Variants in PLCB1 observed in about 807,000 individuals in gnomAD.
The protein encoded by PLCB1 is 1-phosphatidylinositol 4,5-bisphosphate phosphodiesterase beta-1.
Under a neutral mutation model 161.8 loss-of-function variants are expected in PLCB1, and 46 were observed. That is an observed-to-expected ratio of 0.28 (90% CI 0.22 to 0.36). The LOEUF (loss-of-function observed/expected upper bound fraction) is 0.36. Among genes scored for constraint, PLCB1 ranks in the 10% least tolerant of loss-of-function variants. PLCB1 has a pLI of 1.00. For missense variants in PLCB1, 1,016 were observed against 1,472.5 expected (o/e 0.69, Z 5.07); for synonymous variants, 517 against 503.7 (o/e 1.03, Z -0.35).
chr20:8,494,244 G>A (rs1983067910), intron 3 of PLCB1, among the ~76,000 whole-genome samples: 1 of 152,182 alleles, frequency 6.6e-6, no homozygotes, highest in African/African-American at 2.4e-5. Context: ...TCTGGAACAT[G>A]ACTTTCCTCC....
chr20:8,493,818 C>G (rs1983045076), intron 3 of PLCB1, among the ~76,000 whole-genome samples: 1 of 112,036 alleles, frequency 8.9e-6, no homozygotes, highest in African/African-American at 3.6e-5. Context: ...AGGTAGTAGC[C>G]CTTACCTTGG....
At chr20:8,250,471 G>A (rs1306110068) in intron 2 of PLCB1, among the ~76,000 whole-genome samples, 1 of 151,810 alleles carries the variant, frequency 6.6e-6, no homozygotes, top group African/African-American at 2.4e-5. Context: ...TTTTGCATCT[G>A]TAAGGTGGTT....
At chr20:8,676,829 G>GA (rs1346143130) in intron 9 of PLCB1, among the ~76,000 whole-genome samples, 1 of 151,930 alleles carries the variant, frequency 6.6e-6, no homozygotes, top group Admixed American at 6.5e-5. Flanking sequence ...AAAAAGCAGG[G>GA]AAAAAAGTAA....
intron 3 of PLCB1, among the ~76,000 whole-genome samples, chr20:8,520,245 C>T (rs955137276): frequency 6.6e-5 from 10 of 152,134 alleles, no homozygotes; most frequent in African/African-American, 2.4e-4. Flanking sequence ...TTTGGAATCT[C>T]ATGTTAGGAA....
At chr20:8,432,119 T>C (rs1012355579) in intron 3 of PLCB1, among the ~76,000 whole-genome samples, 4 of 152,104 alleles carry the variant, frequency 2.6e-5, no homozygotes, top group Non-Finnish European at 5.9e-5. Flanking sequence ...CCTTATCACA[T>C]GGCCACGAAA....
chr20:8,397,630 T>A (rs1362082721), intron 3 of PLCB1, among the ~76,000 whole-genome samples: 4 of 152,116 alleles, frequency 2.6e-5, no homozygotes, highest in Non-Finnish European at 5.9e-5. Flanking sequence ...TAATAAAAAG[T>A]CCATCTTTCC....
chr20:8,403,212 C>T (rs1417608964), intron 3 of PLCB1, among the ~76,000 whole-genome samples: 1 of 151,880 alleles, frequency 6.6e-6, no homozygotes, highest in Admixed American at 6.6e-5. Flanking sequence ...CCTTTGAAAC[C>T]CTCCCTCCTC....
At chr20:8,605,519 A>G (rs1317458954) in intron 3 of PLCB1, among the ~76,000 whole-genome samples, 1 of 151,806 alleles carries the variant, frequency 6.6e-6, no homozygotes, top group Non-Finnish European at 1.5e-5. Context: ...TTTTTATACT[A>G]GAAACATCAA....
At chr20:8,276,971 C>CTTATTATTA (rs1364657407) in intron 2 of PLCB1, among the ~76,000 whole-genome samples, 10 of 108,186 alleles carry the variant, frequency 9.2e-5, no homozygotes, top group South Asian at 3.1e-4. Flanking sequence ...TCTTCTTCTT[C>CTTATTATTA]TTCTTCTTCT....
chr20:8,775,761 TA>T (rs1465399491), intron 27 of PLCB1, among the ~76,000 whole-genome samples: 1 of 152,220 alleles, frequency 6.6e-6, no homozygotes, highest in Admixed American at 6.5e-5. Context: ...AAGAGATTTT[TA>T]GGGTCTACCT....
chr20:8,809,821 T>A (rs1367450104), intron 31 of PLCB1, among the ~76,000 whole-genome samples: 1 of 152,202 alleles, frequency 6.6e-6, no homozygotes, highest in Non-Finnish European at 1.5e-5. Context: ...CAGTATAAAA[T>A]GTTTTAAGGA....
chr20:8,407,077 A>G (rs1382511969), intron 3 of PLCB1, among the ~76,000 whole-genome samples: 1 of 152,222 alleles, frequency 6.6e-6, no homozygotes, highest in East Asian at 1.9e-4. Context: ...TGTTACACAT[A>G]ACCAAGGGAG....
At chr20:8,464,368 C>G (rs148530534) in intron 3 of PLCB1, among the ~76,000 whole-genome samples, 1 of 152,228 alleles carries the variant, frequency 6.6e-6, no homozygotes, top group Non-Finnish European at 1.5e-5. Context: ...TGCCTCCCTC[C>G]CATTCATTCT....
In PLCB1 at chr20:8,801,654, G is replaced by A. The variant is rs147129370; in HGVS notation, c.3423+11393G>A. ...AAAAATAGTTCTGGCTCTTTGCGGGGAGAAAAGTAGTGCCCTTAAGCCCAG... is the reference window on the plus strand; with the variant it reads ...AAAAATAGTTCTGGCTCTTTGCGGGAAGAAAAGTAGTGCCCTTAAGCCCAG... On this transcript the variant is annotated intron_variant, in intron 31 of 31. Transcript: ENST00000338037. 2.1e-3 allele frequency among the ~76,000 whole-genome samples: 314 copies of A among 152,286 alleles called. 2 individuals are homozygous for A. Among genetic ancestry groups the A allele is most frequent in the African/African-American group, 6.8e-3 (284 of 41,558 alleles).
chr20:8,719,352 C>T (rs551750114), intron 14 of PLCB1, among the ~76,000 whole-genome samples: 22 of 152,138 alleles, frequency 1.4e-4, no homozygotes, highest in African/African-American at 4.3e-4. Context: ...CCAAGAGACA[C>T]GTACAAGAAT....
At chr20:8,772,604 C>A (rs1982744992) in intron 26 of PLCB1, among the ~76,000 whole-genome samples, 1 of 152,136 alleles carries the variant, frequency 6.6e-6, no homozygotes, top group Admixed American at 6.5e-5. Context: ...TGAAGAAATG[C>A]CTTTATGCCC....
chr20:8,158,368 A>C (rs1384526701), intron 2 of PLCB1, among the ~76,000 whole-genome samples: 4 of 152,178 alleles, frequency 2.6e-5, no homozygotes, highest in Admixed American at 2.0e-4. Context: ...TTATTGTATT[A>C]GTCCATTTTC....
At chr20:8,280,370 A>G (rs1411288390) in intron 2 of PLCB1, among the ~76,000 whole-genome samples, 2 of 152,090 alleles carry the variant, frequency 1.3e-5, no homozygotes, top group Non-Finnish European at 2.9e-5. Context: ...AAAGAAGTGA[A>G]AAAAGGGGTT....
At chr20:8,216,600 G>A (rs59378173) in intron 2 of PLCB1, among the ~76,000 whole-genome samples, 1,855 of 152,164 alleles carry the variant, frequency 0.012, 43 homozygotes, top group African/African-American at 0.042. Context: ...AAACCTGATC[G>A]TGACTCATGG....
Sources: allele counts gnomAD v4.1 joint callset (sites outside exome capture counted in the v4.1 genomes callset), GRCh38; gene constraint gnomAD v4.1.1; transcripts MANE v1.5; gene names NCBI Gene and HGNC (gene_info 2026-07-23, HGNC 2026-07-21).